ITGA2: variants seen among roughly 807,000 people sequenced by gnomAD.
ITGA2 encodes the protein integrin subunit alpha 2.
Under a neutral mutation model 146.3 loss-of-function variants are expected in ITGA2, and 101 were observed. That is an observed-to-expected ratio of 0.69 (90% CI 0.59 to 0.81). ITGA2 has a LOEUF of 0.81. ITGA2 is among the 40% of genes least tolerant of loss of function. ITGA2 has a pLI of 0.00. For synonymous variants in ITGA2, 477 were observed against 487.1 expected (o/e 0.98, Z 0.27); for missense variants, 1,281 against 1,402.7 (o/e 0.91, Z 1.39).
intron 1 of ITGA2, among the ~76,000 whole-genome samples, chr5:52,993,321 T>C (rs1741066895): frequency 6.6e-6 from 1 of 152,178 alleles, no homozygotes; most frequent in Non-Finnish European, 1.5e-5. Flanking sequence ...GCTCTCTTAA[T>C]ACTAGGTCCT....
chr5:53,039,208 T>G lies in ITGA2; in HGVS notation c.186-2904T>G, dbSNP rs149370470. ...TTTACTATAATTAATAGGAATTAAT[T>G]AATGAATGCCAAGGGGCAGAGCCAC... On this transcript the variant is annotated intron_variant, in intron 2 of 29. Transcript: ENST00000296585. 5.5e-3 allele frequency among the ~76,000 whole-genome samples: 835 copies of G among 152,340 alleles called. 7 individuals carry two copies. Among genetic ancestry groups the G allele is most frequent in the African/African-American group, 0.018 (734 of 41,568 alleles).
rs528480371 is a variant in ITGA2, at chr5:53,044,982, A to G, written c.296-19A>G. On this transcript the variant is annotated intron_variant, in intron 3 of 29. Coordinates refer to ENST00000296585, the MANE Select transcript of ITGA2 (RefSeq NM_002203.4). ...GAGGAATTTTTAATCACTTTTAAAA[A>G]TTGTTTTCCCTTTGAAAGCTTCAAC... The G allele has an allele frequency of 1.3e-6, 2 of 1,585,376 alleles. No individual in the cohort carries two copies. The highest frequency in any genetic ancestry group is 1.7e-5 in the Admixed American group (1 of 59,978).
At chr5:53,020,306 CA>C (rs983644241) in intron 1 of ITGA2, among the ~76,000 whole-genome samples, 27 of 152,222 alleles carry the variant, frequency 1.8e-4, no homozygotes, top group African/African-American at 6.0e-4. Context: ...CAGATATGAA[CA>C]AGTTTATACA....
intron 2 of ITGA2, among the ~76,000 whole-genome samples, chr5:53,032,477 C>T (rs1743271392): frequency 6.6e-6 from 1 of 151,946 alleles, no homozygotes; most frequent in South Asian, 2.1e-4. Context: ...AGGAGTGTGA[C>T]TCAGAAATGT....
At chr5:53,074,804 G>A (rs1745583982) in intron 21 of ITGA2, among the ~76,000 whole-genome samples, 1 of 151,918 alleles carries the variant, frequency 6.6e-6, no homozygotes, top group East Asian at 1.9e-4. Flanking sequence ...TCAGCTCAAA[G>A]CTTCCAAATT....
Position 53,093,481 on chromosome 5 carries a change from G to GGTATGTTTAAC in ITGA2, c.*2891_*2892insACGTATGTTTA, listed in dbSNP as rs1740538120. On this transcript the variant is annotated 3_prime_UTR_variant, in exon 30 of 30. Coordinates refer to ENST00000296585, the MANE Select transcript of ITGA2 (RefSeq NM_002203.4). ...GTAGGACAGCAGCCCTGTCCTAGAA[G>GGTATGTTTAAC]GTATGTTTAGCAGCATTCCTGGCCT... is the stretch of plus-strand genomic sequence containing the variant. 6.6e-6 allele frequency: 1 copy of GGTATGTTTAAC among 151,202 alleles called. No homozygotes were observed. The highest frequency in any genetic ancestry group is 2.1e-4 in the South Asian group (1 of 4,798). 9.4% of individuals were successfully genotyped at this position (151,202 alleles called of 1,614,324 possible).
At chr5:53,070,546 CAG>C (rs1488654176) in intron 17 of ITGA2, among the ~76,000 whole-genome samples, 1 of 151,864 alleles carries the variant, frequency 6.6e-6, no homozygotes, top group Non-Finnish European at 1.5e-5. Flanking sequence ...AAATGTTTAA[CAG>C]AGAGAACTTT....
intron 23 of ITGA2, among the ~76,000 whole-genome samples, 162 bp from the exon 24 acceptor site, chr5:53,078,610 A>G (rs1745768326): frequency 1.3e-5 from 2 of 152,212 alleles, no homozygotes; most frequent in Admixed American, 1.3e-4. Context: ...CATACATTGG[A>G]CGATAAGCCC....
At chr5:53,016,694 T>G (rs1033729185) in intron 1 of ITGA2, among the ~76,000 whole-genome samples, 5 of 152,230 alleles carry the variant, frequency 3.3e-5, no homozygotes, top group Admixed American at 2.6e-4. Context: ...CAAGTTGCTT[T>G]CTTTCTTTCC....
chr5:53,077,545 G>T (rs1251135268), intron 23 of ITGA2, among the ~76,000 whole-genome samples: 1 of 152,048 alleles, frequency 6.6e-6, no homozygotes, highest in East Asian at 1.9e-4. Context: ...TATTAATTTA[G>T]AAATTGGCCC....
At chr5:53,012,509 C>T (rs1054152395) in intron 1 of ITGA2, among the ~76,000 whole-genome samples, 3 of 152,016 alleles carry the variant, frequency 2.0e-5, no homozygotes, top group African/African-American at 7.2e-5. Context: ...CTTTGGTGGG[C>T]ATTTAGGTTG....
chr5:53,022,223 G>GA (rs1275720604), intron 1 of ITGA2, among the ~76,000 whole-genome samples: 1 of 149,848 alleles, frequency 6.7e-6, no homozygotes, highest in Non-Finnish European at 1.5e-5. Context: ...TTTTTTTGGG[G>GA]GACAGGGTCT....
intron 18 of ITGA2, 117 bp downstream of exon 18, chr5:53,072,165 A>G (rs968136832): frequency 5.2e-5 from 39 of 756,106 alleles, no homozygotes; most frequent in Non-Finnish European, 8.1e-5. Context: ...TTCTAAATGA[A>G]CTACAATTAC....
chr5:53,051,434 T>G lies in ITGA2; in HGVS notation c.654T>G (p.Asn218Lys). ...AGGTGGGGTTAATTCAGTATGCCAA[T>G]AATCCAAGAGTTGTGTTTAACTTGA... Reference protein sequence around the residue: ...KTQVGLIQYANNPRVVFNLNT... With the variant: ...KTQVGLIQYAKNPRVVFNLNT... The change falls in exon 7 of 30, where the codon AAT (asparagine) becomes AAG (lysine). Residue 218 changes from asparagine to lysine, a missense_variant. Coordinates refer to ENST00000296585, the MANE Select transcript of ITGA2 (RefSeq NM_002203.4). 6.2e-7 allele frequency: 1 copy of G among 1,613,564 alleles called. No individual in the cohort carries two copies. Among genetic ancestry groups the G allele is most frequent in the Non-Finnish European group, 8.5e-7 (1 of 1,179,646 alleles).
Position 53,041,953 on chromosome 5 carries a change from T to C in ITGA2, c.186-159T>C, listed in dbSNP as rs3212439. Among the ~76,000 whole-genome samples the C allele has an allele frequency of 0.27, 41,717 of 151,932 alleles. 5,787 individuals carry two copies. Among genetic ancestry groups the C allele is most frequent in the Admixed American group, 0.32 (4,914 of 15,266 alleles). On this transcript the variant is annotated intron_variant, in intron 2 of 29. Transcript: ENST00000296585. ...TGTTACAGACATTGATCAAAGCTCT[T>C]TATCAGCTAAGCAGAAAGGCAGCAG... is the stretch of plus-strand genomic sequence containing the variant.
chr5:52,999,528 A>G (rs1336847335), intron 1 of ITGA2, among the ~76,000 whole-genome samples: 3 of 152,160 alleles, frequency 2.0e-5, no homozygotes, highest in Non-Finnish European at 2.9e-5. Flanking sequence ...AAGTAACTTG[A>G]TCAGCATATC....
chr5:53,061,560 A>G (rs1744907637), intron 12 of ITGA2, among the ~76,000 whole-genome samples: 1 of 151,944 alleles, frequency 6.6e-6, no homozygotes. Context: ...AGATTCTAAA[A>G]GTAAAACAAT....
chr5:53,080,739 C>T (rs1745883412), intron 25 of ITGA2, 118 bp downstream of exon 25: 1 of 765,134 alleles, frequency 1.3e-6, no homozygotes, highest in Admixed American at 2.0e-5. Context: ...TCCTATGCAG[C>T]CTGGGTGCCA....
At chr5:53,053,002 C>A (rs1744451719) in intron 7 of ITGA2, among the ~76,000 whole-genome samples, 1 of 152,162 alleles carries the variant, frequency 6.6e-6, no homozygotes, top group Non-Finnish European at 1.5e-5. Flanking sequence ...CAAATTCAAT[C>A]TGTCCCACAC....
Sources: gnomAD v4.1 joint callset for allele counts (sites outside exome capture counted in the v4.1 genomes callset) on GRCh38, gnomAD v4.1.1 for gene constraint, MANE v1.5 for transcripts, NCBI Gene and HGNC (gene_info 2026-07-23, HGNC 2026-07-21) for gene names.